The following EBNA1BP2 variants were observed in gnomAD, a reference collection of about 807,000 sequenced individuals.
The protein encoded by EBNA1BP2 is EBNA1 binding protein 2, also known as probable rRNA-processing protein EBP2.
Under a neutral mutation model 43.5 loss-of-function variants are expected in EBNA1BP2, and 36 were observed. The observed-to-expected ratio is 0.83, with a 90% CI of 0.63 to 1.09. The LOEUF (loss-of-function observed/expected upper bound fraction) is 1.09. Ranked by LOEUF, EBNA1BP2 falls within the 50% of genes least tolerant of loss-of-function variation. EBNA1BP2 has a pLI of 0.00. For synonymous variants in EBNA1BP2, 127 were observed against 141.3 expected (o/e 0.90, Z 0.72); for missense variants, 332 against 379.1 (o/e 0.88, Z 1.03).
In EBNA1BP2 at chr1:43,167,221, A is replaced by G; in HGVS notation, c.552T>C (p.Val184=). ...RKYGKKVQTE[V]LQKRQQEKAH... ...CTTTCTCCTGCTGCCTCTTCTGAAGAACCTCCGTTTGCACCTGTGATATGA... is the reference window on the plus strand; with the variant it reads ...CTTTCTCCTGCTGCCTCTTCTGAAGGACCTCCGTTTGCACCTGTGATATGA... Residue 184 remains valine, a synonymous_variant, in exon 6 of 9, where the codon GTT becomes GTC. Coordinates refer to ENST00000236051, the MANE Select transcript of EBNA1BP2 (RefSeq NM_006824.3). 1 of 1,614,152 alleles carries G rather than the reference A, an allele frequency of 6.2e-7. No homozygotes were observed. The highest frequency in any genetic ancestry group is 2.2e-5 in the East Asian group (1 of 44,884).
At chr1:43,169,538 G>A (rs982797200) in intron 4 of EBNA1BP2, among the ~76,000 whole-genome samples, 5 of 152,148 alleles carry the variant, frequency 3.3e-5, no homozygotes, top group Admixed American at 3.3e-4. Flanking sequence ...CTAAAATCCA[G>A]CTTGAGACCC....
chr1:43,169,131 C>A lies in EBNA1BP2; in HGVS notation c.448-103G>T, dbSNP rs576581983. On this transcript the variant is annotated intron_variant, in intron 4 of 8. Transcript: ENST00000236051. Reference sequence around the variant, plus strand: ...CAGATATTCCCTGTTCTTTAAACTGCGGAACTTATAAATCATCAGTTCCAA... The same window carrying A: ...CAGATATTCCCTGTTCTTTAAACTGAGGAACTTATAAATCATCAGTTCCAA... 3 of 1,233,154 alleles carry A rather than the reference C, an allele frequency of 2.4e-6. No homozygotes were observed. In the East Asian group the frequency reaches 7.0e-5, roughly 29 times the overall value. The allele number at this position is 1,233,154 out of a possible 1,614,324, so 76.4% of individuals were successfully genotyped here. A position where few individuals can be genotyped will look rare whatever the true frequency, so the allele number is the denominator to read the frequency against.
chr1:43,170,623 T>C (rs185018507), intron 4 of EBNA1BP2, 133 bp downstream of exon 4: 1 of 1,315,438 alleles, frequency 7.6e-7, no homozygotes, highest in East Asian at 2.9e-5. Flanking sequence ...AAGTAGCCAA[T>C]CTATGGAAGA....
chr1:43,164,196 T>C lies in EBNA1BP2; in HGVS notation c.*247A>G, dbSNP rs1569717570. 1 of 519,098 alleles carries C rather than the reference T, an allele frequency of 1.9e-6. No individual in the cohort carries two copies. The highest frequency in any genetic ancestry group is 1.9e-5 in the African/African-American group (1 of 52,252). The allele number at this position is 519,098 out of a possible 1,614,324, so 32.2% of individuals were successfully genotyped here. A position where few individuals can be genotyped will look rare whatever the true frequency, so the allele number is the denominator to read the frequency against. ...AAATGAGAAGGTGTCAGTTAAATCA[T>C]TATTTATCATAAAATGAAGGCAATT... On this transcript the variant is annotated 3_prime_UTR_variant, in exon 9 of 9. Coordinates refer to ENST00000236051, the MANE Select transcript of EBNA1BP2 (RefSeq NM_006824.3).
intron 5 of EBNA1BP2, 72 bp from the exon 6 acceptor site, chr1:43,167,307 C>T: frequency 1.4e-6 from 2 of 1,416,244 alleles, no homozygotes; most frequent in Admixed American, 3.4e-5. Context: ...GTCTTAATAG[C>T]AACACCATGA....
intron 4 of EBNA1BP2, among the ~76,000 whole-genome samples, chr1:43,169,576 C>A (rs1282053836): frequency 6.6e-6 from 1 of 152,160 alleles, no homozygotes; most frequent in Non-Finnish European, 1.5e-5. Flanking sequence ...ATACTTATCC[C>A]TCAGTATCCA....
At chr1:43,168,757 C>T (rs548031492) in intron 5 of EBNA1BP2, among the ~76,000 whole-genome samples, 182 bp downstream of exon 5, 9 of 152,274 alleles carry the variant, frequency 5.9e-5, no homozygotes, top group African/African-American at 1.9e-4. Context: ...CCATACTACT[C>T]CTGGGGAACC....
rs374736732 is a variant in EBNA1BP2, at chr1:43,170,804, G to A, written c.399C>T (p.Pro133=). The stretch of plus-strand genomic sequence containing the variant: ...TGGCCATTTCCGCAAAATAATCAGT[G>A]GGTCGCTTCGTAGGGACTTTGAGCT... ...LHQLKVPTKR[P]TDYFAEMAKS... Residue 133 remains proline, a synonymous_variant, in exon 4 of 9, where the codon CCC becomes CCT. Transcript: ENST00000236051. 6.2e-7 allele frequency: 1 copy of A among 1,607,682 alleles called. No homozygotes were observed. Among genetic ancestry groups the A allele is most frequent in the South Asian group, 1.1e-5 (1 of 89,754 alleles).
At chr1:43,171,242 C>T (rs546876668) in intron 3 of EBNA1BP2, 5 of 529,798 alleles carry the variant, frequency 9.4e-6, no homozygotes, top group Admixed American at 7.9e-5. Flanking sequence ...CTGAAGCATG[C>T]ACAAAAAGTT....
chr1:43,167,278 T>C (rs1161609494), intron 5 of EBNA1BP2, 43 bp from the exon 6 acceptor site: 1 of 1,568,692 alleles, frequency 6.4e-7, no homozygotes, highest in South Asian at 1.1e-5. Context: ...TTCCATACCA[T>C]TACTCCAGTG....
At chr1:43,171,295 A>G in intron 3 of EBNA1BP2, 184 bp downstream of exon 3, 1 of 749,332 alleles carries the variant, frequency 1.3e-6, no homozygotes, top group Non-Finnish European at 1.9e-6. Context: ...TGGATTTTGG[A>G]TCGTGACCGT....
At position 43,167,008 on chromosome 1, in the gene EBNA1BP2, T is replaced by C. The variant is rs1644923278; in HGVS notation, c.614-89A>G. The C allele has an allele frequency of 2.0e-6, 3 of 1,518,850 alleles. No homozygotes were observed. The African/African-American group carries it at 4.2e-5, about 21-fold the overall frequency. The allele number at this position is 1,518,850 out of a possible 1,614,324, so 94.1% of individuals were successfully genotyped here. ...CATATGAGGCTGTTATTTGCTACAC[T>C]GATTTTAAGAGTCACATCCTGCTCT... On this transcript the variant is annotated intron_variant, in intron 6 of 8. Coordinates refer to ENST00000236051, the MANE Select transcript of EBNA1BP2 (RefSeq NM_006824.3).
chr1:43,169,213 A>C (rs192459644), intron 4 of EBNA1BP2, among the ~76,000 whole-genome samples, 185 bp from the exon 5 acceptor site: 1 of 152,316 alleles, frequency 6.6e-6, no homozygotes, highest in Admixed American at 6.5e-5. Flanking sequence ...GCCAGAGTGA[A>C]GCCAGAGATT....
At chr1:43,165,922 T>C (rs1644915018) in intron 7 of EBNA1BP2, among the ~76,000 whole-genome samples, 1 of 152,116 alleles carries the variant, frequency 6.6e-6, no homozygotes, top group Non-Finnish European at 1.5e-5. Flanking sequence ...CGAACGCTCC[T>C]CCAGAAATCC....
Position 43,164,462 on chromosome 1 carries a change from A to T in EBNA1BP2, c.902T>A (p.Met301Lys). 6.2e-7 allele frequency: 1 copy of T among 1,614,084 alleles called. No individual in the cohort carries two copies. The highest frequency in any genetic ancestry group is 8.5e-7 in the Non-Finnish European group (1 of 1,180,028). The change falls in exon 9 of 9, where the codon ATG becomes AAG. Residue 301 changes from methionine to lysine, a missense_variant. Met to Lys is a moderately conservative substitution (Grantham distance 95, BLOSUM62 -1). Transcript: ENST00000236051. ...TGCTATTTAGTGTGTTCTGTTCTTC[A>T]TCTTCTCTCTTGTTCGTTTTCCAGG... ...KRPGKRTREK[M>K]KNRTH
rs749250062 is a variant in EBNA1BP2, at chr1:43,164,651, C to T, written c.862G>A (p.Gly288Arg). 2 of 1,614,202 alleles carry T rather than the reference C, an allele frequency of 1.2e-6. No individual in the cohort carries two copies. The highest frequency in any genetic ancestry group is 1.7e-6 in the Non-Finnish European group (2 of 1,180,030). The change falls in exon 8 of 9, where the codon GGG (glycine) becomes AGG (arginine). Residue 288 changes from glycine to arginine, a missense_variant. This residue lies in a region of EBNA1BP2 where 59 missense variants were observed against 53.3 expected (regional missense o/e 1.11). Transcript: ENST00000236051. ...CACCTGGGCTCACTTACATTTGACC[C>T]TTTCTTGCCAGGCCTCTTGAGGCCT... ...GRGLKRPGKKGSNKRPGKRTR... is the reference protein window; with the variant it reads ...GRGLKRPGKKRSNKRPGKRTR...
chr1:43,172,287 G>A lies in EBNA1BP2; in HGVS notation c.-169C>T, dbSNP rs1036652991. On this transcript the variant is annotated 5_prime_UTR_variant, in exon 1 of 9. Coordinates refer to ENST00000236051, the MANE Select transcript of EBNA1BP2 (RefSeq NM_006824.3). ...CCAGCGCCAGCAACTCACAGCTACT[G>A]CTCAACTTTTGATTGGGACTTCCGC... 3.2e-6 allele frequency: 5 copies of A among 1,552,200 alleles called. No individual in the cohort carries two copies. Among genetic ancestry groups the A allele is most frequent in the Non-Finnish European group, 4.4e-6 (5 of 1,147,270 alleles).
At chr1:43,170,290 A>C (rs992973744) in intron 4 of EBNA1BP2, among the ~76,000 whole-genome samples, 1 of 152,236 alleles carries the variant, frequency 6.6e-6, no homozygotes, top group Admixed American at 6.5e-5. Context: ...CCCTTCTTCC[A>C]AAGTTAAATG....
intron 3 of EBNA1BP2, chr1:43,171,137 A>C: frequency 2.1e-6 from 1 of 472,908 alleles, no homozygotes; most frequent in Non-Finnish European, 3.5e-6. Context: ...CATTAACACA[A>C]ACGAATGTCG....
Sources: gnomAD v4.1 joint callset for allele counts (sites outside exome capture counted in the v4.1 genomes callset) on GRCh38, gnomAD v4.1.1 for gene constraint, gnomAD v4.1.1 regional missense constraint, MANE v1.5 for transcripts, NCBI Gene and HGNC (gene_info 2026-07-23, HGNC 2026-07-21) for gene names.